The following SOS2 variants were observed in gnomAD, a reference collection of about 807,000 sequenced individuals.
SOS2 encodes son of sevenless homolog 2.
In SOS2, 65 loss-of-function variants were observed where a neutral mutation model predicts 148.2. That is an observed-to-expected ratio of 0.44 (90% CI 0.36 to 0.54). The LOEUF is 0.54. SOS2 is among the 20% of genes least tolerant of loss of function. SOS2 has a pLI of 0.00. For missense variants in SOS2, 1,341 were observed against 1,590.2 expected, an observed-to-expected ratio of 0.84 and a Z score of 2.67; for synonymous variants, 539 against 537.1, an observed-to-expected ratio of 1.00 and a Z score of -0.05.
intron 8 of SOS2, among the ~76,000 whole-genome samples, chr14:50,173,048 C>T (rs887292617): frequency 6.6e-6 from 1 of 152,104 alleles, no homozygotes; most frequent in African/African-American, 2.4e-5. Context: ...GTTGCTCAGG[C>T]TGGCCTTGAA....
Position 50,175,804 on chromosome 14 carries a change from GAGAA to G in SOS2, c.970-1256_970-1253del, listed in dbSNP as rs1250888147. On this transcript the variant is annotated intron_variant, in intron 7 of 22. Coordinates refer to ENST00000216373, the MANE Select transcript of SOS2 (RefSeq NM_006939.4). Reference sequence around the variant, plus strand: ...CACCAACCACACCAATATAAAATGTGAGAAAGAATCTGATATGCTGCTTTAAAAA... The same window carrying G: ...CACCAACCACACCAATATAAAATGTGAGAATCTGATATGCTGCTTTAAAAA... Among the ~76,000 whole-genome samples the G allele has an allele frequency of 7.9e-5, 12 of 151,982 alleles. No homozygotes were observed. The South Asian group carries it at 8.3e-4, about 11-fold the overall frequency.
chr14:50,204,756 T>A (rs531623947), intron 1 of SOS2, among the ~76,000 whole-genome samples: 1 of 152,262 alleles, frequency 6.6e-6, no homozygotes, highest in East Asian at 1.9e-4. Flanking sequence ...AGGTCATGAA[T>A]CCCAGTAATA....
intron 8 of SOS2, among the ~76,000 whole-genome samples, chr14:50,162,247 G>A (rs1477965753): frequency 6.6e-6 from 1 of 151,906 alleles, no homozygotes. Flanking sequence ...GATCTCCTGG[G>A]CATAAGGCTT....
At position 50,209,053 on chromosome 14, in the gene SOS2, GAATTCTT is replaced by G. The variant is rs1451793412; in HGVS notation, c.88-4651_88-4645del. Among the ~76,000 whole-genome samples, 4 of 152,282 alleles carry G rather than the reference GAATTCTT, an allele frequency of 2.6e-5. No individual in the cohort carries two copies. In the East Asian group the frequency reaches 7.7e-4, roughly 29 times the overall value. On this transcript the variant is annotated intron_variant, in intron 1 of 22. Coordinates refer to ENST00000216373, the MANE Select transcript of SOS2 (RefSeq NM_006939.4). Reference sequence around the variant, plus strand: ...CTGAATAGAACAAAAGGCTGAGAAAGAATTCTTTCTCTCTGCCTGACTGTATTTGAGC... The same window carrying G: ...CTGAATAGAACAAAAGGCTGAGAAAGTCTCTCTGCCTGACTGTATTTGAGC...
intron 4 of SOS2, among the ~76,000 whole-genome samples, chr14:50,189,105 A>ACACACG: frequency 6.8e-6 from 1 of 146,298 alleles, no homozygotes; most frequent in Non-Finnish European, 1.5e-5. Context: ...ACACACACGC[A>ACACACG]CACACAAATA....
At chr14:50,129,837 A>C (rs574107865) in intron 21 of SOS2, 124 bp downstream of exon 21, 5 of 605,542 alleles carry the variant, frequency 8.3e-6, no homozygotes, top group Non-Finnish European at 8.8e-6. Flanking sequence ...TAAGCAAATA[A>C]TTAAATTTAT....
At chr14:50,166,617 T>A (rs894383427) in intron 8 of SOS2, among the ~76,000 whole-genome samples, 3 of 152,200 alleles carry the variant, frequency 2.0e-5, no homozygotes, top group Non-Finnish European at 2.9e-5. Context: ...TATAAGTGTA[T>A]CCTGTCTAAG....
At chr14:50,178,670 G>GTGTGTATATA (rs1566839555) in intron 7 of SOS2, among the ~76,000 whole-genome samples, 1 of 67,964 alleles carries the variant, frequency 1.5e-5, no homozygotes, top group African/African-American at 3.9e-5. Flanking sequence ...GTGTGTGTGT[G>GTGTGTATATA]CATATATATA....
In SOS2 at chr14:50,167,175, A is replaced by G. The variant is rs531846275; in HGVS notation, c.1069-5566T>C. 2.0e-5 allele frequency among the ~76,000 whole-genome samples: 3 copies of G among 152,312 alleles called. No homozygotes were observed. In the South Asian group the frequency reaches 6.2e-4, roughly 32 times the overall value. On this transcript the variant is annotated intron_variant, in intron 8 of 22. Coordinates refer to ENST00000216373, the MANE Select transcript of SOS2 (RefSeq NM_006939.4). ...AGTTAACTGTTATTAACTTTCTTTCATATGTACCTGAATCATATGTCAGTA... is the reference window on the plus strand; with the variant it reads ...AGTTAACTGTTATTAACTTTCTTTCGTATGTACCTGAATCATATGTCAGTA...
chr14:50,199,026 G>A (rs1169444842), intron 4 of SOS2, among the ~76,000 whole-genome samples: 2 of 152,172 alleles, frequency 1.3e-5, no homozygotes, highest in African/African-American at 4.8e-5. Flanking sequence ...GGTGATGCAC[G>A]CCTGTGGTCC....
At chr14:50,188,261 C>T (rs971843095) in intron 5 of SOS2, among the ~76,000 whole-genome samples, 3 of 151,824 alleles carry the variant, frequency 2.0e-5, no homozygotes, top group Non-Finnish European at 2.9e-5. Context: ...AAAAATTAGC[C>T]GATTGTGGTG....
chr14:50,158,420 A>C (rs765442253), intron 11 of SOS2, 145 bp downstream of exon 11: 1 of 535,998 alleles, frequency 1.9e-6, no homozygotes, highest in East Asian at 3.2e-5. Context: ...ACTCCATTTG[A>C]AGAGAATAGT....
At chr14:50,200,810 G>C (rs933690473) in intron 3 of SOS2, 143 bp downstream of exon 3, 2 of 612,486 alleles carry the variant, frequency 3.3e-6, no homozygotes, top group Non-Finnish European at 5.6e-6. Flanking sequence ...TAATATATGC[G>C]ATGTGTATGT....
intron 1 of SOS2, among the ~76,000 whole-genome samples, chr14:50,222,670 TG>T (rs1315089165): frequency 6.6e-6 from 1 of 152,152 alleles, no homozygotes; most frequent in East Asian, 1.9e-4. Context: ...GACTAAAACA[TG>T]TCTACGTTAT....
At chr14:50,169,139 C>A (rs969737252) in intron 8 of SOS2, among the ~76,000 whole-genome samples, 1 of 151,538 alleles carries the variant, frequency 6.6e-6, no homozygotes, top group Admixed American at 6.6e-5. Context: ...TGGTGAAACC[C>A]CGTCTCTACT....
chr14:50,172,169 T>C (rs1039474329), intron 8 of SOS2, among the ~76,000 whole-genome samples: 2 of 152,208 alleles, frequency 1.3e-5, no homozygotes, highest in Non-Finnish European at 2.9e-5. Flanking sequence ...TGGTATCCTG[T>C]GGTTTTAACT....
chr14:50,216,171 A>T (rs1193357059), intron 1 of SOS2, among the ~76,000 whole-genome samples: 1 of 150,984 alleles, frequency 6.6e-6, no homozygotes, highest in East Asian at 1.9e-4. Context: ...ATCTTGGCTC[A>T]CTGCAACCTC....
In SOS2 at chr14:50,161,623, GA is replaced by G; in HGVS notation, c.1069-15del. The G allele has an allele frequency of 1.2e-6, 2 of 1,605,934 alleles. No individual in the cohort carries two copies. Among genetic ancestry groups the G allele is most frequent in the East Asian group, 2.2e-5 (1 of 44,588 alleles). On this transcript the variant is annotated splice_polypyrimidine_tract_variant and intron_variant, in intron 8 of 22. Transcript: ENST00000216373. The stretch of plus-strand genomic sequence containing the variant: ...TGCTTTCAATTGCTAAGAAAAAACA[GA>G]AAGAAAAATCAAAACTGCATTGTTT...
rs917236944 is a variant in SOS2, at chr14:50,208,445, T to C, written c.88-4036A>G. 3.9e-5 allele frequency among the ~76,000 whole-genome samples: 6 copies of C among 152,030 alleles called. No individual in the cohort carries two copies. In the East Asian group the frequency reaches 9.7e-4, roughly 25 times the overall value. On this transcript the variant is annotated intron_variant, in intron 1 of 22. Coordinates refer to ENST00000216373, the MANE Select transcript of SOS2 (RefSeq NM_006939.4). ...GACGGGGGGATCACAAGGTCAGAGTTTGAGACCACCCTGGCCAATACGGTG... is the reference window on the plus strand; with the variant it reads ...GACGGGGGGATCACAAGGTCAGAGTCTGAGACCACCCTGGCCAATACGGTG...
Sources: allele counts gnomAD v4.1 joint callset (sites outside exome capture counted in the v4.1 genomes callset), GRCh38; gene constraint gnomAD v4.1.1; transcripts MANE v1.5; gene names NCBI Gene and HGNC (gene_info 2026-07-23, HGNC 2026-07-21).